Variants in GAS2L3 observed in about 807,000 individuals in gnomAD.
GAS2L3 encodes the protein growth arrest specific 2 like 3.
Under a neutral mutation model 37.0 loss-of-function variants are expected in GAS2L3, and 28 were observed. The ratio of observed to expected loss-of-function variants is 0.76; its 90% confidence interval spans 0.56 to 1.04. The LOEUF (loss-of-function observed/expected upper bound fraction) is 1.04, where lower values mean the gene tolerates loss of function less well. Among genes scored for constraint, GAS2L3 ranks in the 50% least tolerant of loss-of-function variants. The pLI is 0.00. For missense variants in GAS2L3, 793 were observed against 817.6 expected, an observed-to-expected ratio of 0.97 and a Z score of 0.37; for synonymous variants, 290 against 296.6, an observed-to-expected ratio of 0.98 and a Z score of 0.23.
rs1167525130 is a variant in GAS2L3 at position 100,626,657 on chromosome 12, AG to A, written c.*1768del. The A allele has an allele frequency of 6.6e-6, 1 of 152,232 alleles. No individual in the cohort carries two copies. Among genetic ancestry groups the A allele is most frequent in the African/African-American group, 2.4e-5 (1 of 41,460 alleles). The allele number at this position is 152,232 out of a possible 1,614,324, so 9.4% of individuals were successfully genotyped here. On this transcript the variant is annotated 3_prime_UTR_variant, in exon 10 of 10. Coordinates refer to ENST00000547754, the MANE Select transcript of GAS2L3 (RefSeq NM_174942.3). ...TTTTAGAACTTAAAAGAAAGCAAAAAGTAAATGGAATTGTAGGCAATTTATG... is the reference window on the plus strand; with the variant it reads ...TTTTAGAACTTAAAAGAAAGCAAAAATAAATGGAATTGTAGGCAATTTATG...
intron 4 of GAS2L3, among the ~76,000 whole-genome samples, chr12:100,600,849 C>A (rs968905742): frequency 1.3e-5 from 2 of 151,886 alleles, no homozygotes; most frequent in Admixed American, 6.6e-5. Context: ...TTGTATTGGT[C>A]TAATTTTTTT....
At chr12:100,596,214 G>C (rs118067450) in intron 3 of GAS2L3, among the ~76,000 whole-genome samples, 1 of 152,078 alleles carries the variant, frequency 6.6e-6, no homozygotes, top group East Asian at 1.9e-4. Flanking sequence ...TTAGAACTCT[G>C]TTATTACTCA....
At chr12:100,580,121 C>A in intron 1 of GAS2L3, 2 of 896,502 alleles carry the variant, frequency 2.2e-6, no homozygotes, top group Non-Finnish European at 1.9e-6. Context: ...GCCACTGGGC[C>A]AAGGGGTGCC....
chr12:100,622,317 C>T lies in GAS2L3; in HGVS notation c.691C>T (p.Arg231Ter), dbSNP rs1956264823. The T allele has an allele frequency of 1.4e-5, 22 of 1,605,182 alleles. No individual in the cohort carries two copies. Among genetic ancestry groups the T allele is most frequent in the Non-Finnish European group, 1.8e-5 (21 of 1,172,864 alleles). ...AEDPPCSCSH[R>*]FSIEYLSEGR... Reference sequence around the variant, plus strand: ...GGACCCTCCTTGTAGTTGTTCTCATCGATTTTCTATTGAGTATTTATCTGA... The same window carrying T: ...GGACCCTCCTTGTAGTTGTTCTCATTGATTTTCTATTGAGTATTTATCTGA... The change falls in exon 9 of 10, where the codon CGA becomes TGA. Residue 231 changes from arginine to a stop codon, truncating the protein, a stop_gained. Coordinates refer to ENST00000547754, the MANE Select transcript of GAS2L3 (RefSeq NM_174942.3). LOFTEE classifies it high-confidence loss of function.
rs768084693 is a variant in GAS2L3, at chr12:100,618,549, C to G, written c.610C>G (p.Pro204Ala). Residue 204 changes from proline to alanine, a missense_variant, in exon 8 of 10, where the codon CCA (proline) becomes GCA (alanine). By Grantham distance (27) the Pro-to-Ala change is conservative. Coordinates refer to ENST00000547754, the MANE Select transcript of GAS2L3 (RefSeq NM_174942.3). ...TGGGCCTGAAGATTCCATCAGCATT[C>G]CAAAATCATGCTGTCGGCATGAAGA... ...TSGPEDSISI[P>A]KSCCRHEELH... is the part of the protein sequence containing the mutation. The G allele has an allele frequency of 1.2e-6, 2 of 1,612,214 alleles. No individual in the cohort carries two copies. The highest frequency in any genetic ancestry group is 8.5e-7 in the Non-Finnish European group (1 of 1,179,216).
intron 6 of GAS2L3, among the ~76,000 whole-genome samples, chr12:100,617,240 A>G (rs778067388): frequency 4.6e-5 from 7 of 152,124 alleles, no homozygotes; most frequent in Non-Finnish European, 8.8e-5. Flanking sequence ...TTGTATCTAT[A>G]TTCATAAGAC....
intron 1 of GAS2L3, among the ~76,000 whole-genome samples, chr12:100,583,697 C>G (rs1337007920): frequency 6.6e-6 from 1 of 152,060 alleles, no homozygotes; most frequent in East Asian, 1.9e-4. Flanking sequence ...TGGTCTTGAT[C>G]TGATCTCATA....
At chr12:100,577,881 C>T (rs150767013) in intron 1 of GAS2L3, among the ~76,000 whole-genome samples, 4 of 152,232 alleles carry the variant, frequency 2.6e-5, no homozygotes, top group East Asian at 1.9e-4. Flanking sequence ...GAAAGCATGG[C>T]GCTTAGAAGG....
At position 100,624,305 on chromosome 12, in the gene GAS2L3, C is replaced by T. The variant is rs1157519559; in HGVS notation, c.1500C>T (p.Pro500=). The change falls in exon 10 of 10, where the codon CCC becomes CCT. Residue 500 remains proline (P), a synonymous_variant. Coordinates refer to ENST00000547754, the MANE Select transcript of GAS2L3 (RefSeq NM_174942.3). ...AAHSNSSSKC[P]KLPKANIPVR... Reference sequence around the variant, plus strand: ...ATTCAAATTCATCCTCAAAATGTCCCAAGCTGCCTAAAGCAAATATACCTG... The same window carrying T: ...ATTCAAATTCATCCTCAAAATGTCCTAAGCTGCCTAAAGCAAATATACCTG... The T allele has an allele frequency of 6.2e-7, 1 of 1,614,026 alleles. No homozygotes were observed. The highest frequency in any genetic ancestry group is 2.2e-5 in the East Asian group (1 of 44,864).
chr12:100,615,370 C>T (rs1411696042), intron 6 of GAS2L3, among the ~76,000 whole-genome samples: 2 of 152,010 alleles, frequency 1.3e-5, no homozygotes, highest in East Asian at 3.9e-4. Flanking sequence ...TGTCAACTTG[C>T]AAGAATTCTT....
Position 100,600,371 on chromosome 12 carries a change from T to C in GAS2L3, c.19-11T>C, listed in dbSNP as rs774461632. The C allele has an allele frequency of 7.1e-5, 110 of 1,548,648 alleles. No individual in the cohort carries two copies. Among genetic ancestry groups the C allele is most frequent in the Non-Finnish European group, 9.0e-5 (103 of 1,148,754 alleles). On this transcript the variant is annotated splice_polypyrimidine_tract_variant and intron_variant, in intron 3 of 9. Coordinates refer to ENST00000547754, the MANE Select transcript of GAS2L3 (RefSeq NM_174942.3). The stretch of plus-strand genomic sequence containing the variant: ...TTATTCATTCAGTTGATTGATTTTT[T>C]TTTTCTTTAGGTATGGTTTGGAGAA...
rs767069394 is a variant in GAS2L3 at position 100,616,605 on chromosome 12, A to G, written c.446-1139A>G. Among the ~76,000 whole-genome samples, 55 of 113,736 alleles carry G rather than the reference A, an allele frequency of 4.8e-4. 1 individual carries two copies. The highest frequency in any genetic ancestry group is 4.8e-4 in the South Asian group (2 of 4,186). The allele number at this position is 113,736 out of a possible 152,430, so 74.6% of individuals were successfully genotyped here. ...TGTGCACCACCATGCCTAGCTAATT[A>G]AAAAAACAAACAAACAAAAAAACTG... On this transcript the variant is annotated intron_variant, in intron 6 of 9. Coordinates refer to ENST00000547754, the MANE Select transcript of GAS2L3 (RefSeq NM_174942.3).
rs770498653 is a variant in GAS2L3 at position 100,624,757 on chromosome 12, C to A, written c.1952C>A (p.Thr651Asn). The change falls in exon 10 of 10, where the codon ACC becomes AAC. Residue 651 changes from threonine (T) to asparagine (N), a missense_variant. Coordinates refer to ENST00000547754, the MANE Select transcript of GAS2L3 (RefSeq NM_174942.3). ...STKGPPRSGK[T>N]PASIRKPPSS... is the part of the protein sequence containing the mutation. ...AAAGGGCCTCCCAGAAGTGGCAAAA[C>A]CCCAGCTTCAATCAGGAAACCACCC... 1.2e-6 allele frequency: 2 copies of A among 1,613,896 alleles called. No individual in the cohort carries two copies. Among genetic ancestry groups the A allele is most frequent in the South Asian group, 1.1e-5 (1 of 91,060 alleles).
chr12:100,579,569 A>G, intron 1 of GAS2L3: 1 of 773,644 alleles, frequency 1.3e-6, no homozygotes, highest in Non-Finnish European at 2.4e-6. Flanking sequence ...AAGTTCCGGA[A>G]AGATACCAGT....
chr12:100,587,217 A>G (rs1430968026), intron 1 of GAS2L3, among the ~76,000 whole-genome samples: 1 of 152,158 alleles, frequency 6.6e-6, no homozygotes, highest in African/African-American at 2.4e-5. Context: ...ACCCTCCCCA[A>G]CTCATTCTAT....
chr12:100,576,400 G>A (rs1191823721), intron 1 of GAS2L3, among the ~76,000 whole-genome samples: 1 of 152,184 alleles, frequency 6.6e-6, no homozygotes, highest in Non-Finnish European at 1.5e-5. Flanking sequence ...CTTTCTTACA[G>A]TAACGTGTGT....
chr12:100,594,769 G>A (rs925858368), intron 2 of GAS2L3, 106 bp from the exon 3 acceptor site: 32 of 384,864 alleles, frequency 8.3e-5, no homozygotes, highest in African/African-American at 1.3e-4. Flanking sequence ...AAAGTTTTGC[G>A]TTTGCAGTCG....
chr12:100,596,021 T>C (rs950406696), intron 3 of GAS2L3, among the ~76,000 whole-genome samples: 4 of 151,984 alleles, frequency 2.6e-5, no homozygotes, highest in East Asian at 1.9e-4. Flanking sequence ...ATTTATCAAA[T>C]GGTTAAGAAC....
chr12:100,583,201 C>T (rs534279100), intron 1 of GAS2L3, among the ~76,000 whole-genome samples: 1 of 152,364 alleles, frequency 6.6e-6, no homozygotes, highest in East Asian at 1.9e-4. Context: ...CCTGGGACTA[C>T]ATTGGGTCCA....
Sources: allele counts gnomAD v4.1 joint callset (sites outside exome capture counted in the v4.1 genomes callset), GRCh38; gene constraint gnomAD v4.1.1; transcripts MANE v1.5; gene names NCBI Gene and HGNC (gene_info 2026-07-23, HGNC 2026-07-21).